The following PZP variants were observed in gnomAD, a reference collection of about 807,000 sequenced individuals.
PZP encodes the protein PZP alpha-2-macroglobulin like.
PZP carries 150 observed loss-of-function variants against 179.8 expected under a neutral mutation model. That is an observed-to-expected ratio of 0.83 (90% CI 0.73 to 0.96). PZP has a LOEUF of 0.96. PZP is among the 40% of genes least tolerant of loss of function. PZP has a pLI of 0.00. For synonymous variants in PZP, 624 were observed against 652.3 expected, an observed-to-expected ratio of 0.96 and a Z score of 0.66; for missense variants, 1,689 against 1,764.0, an observed-to-expected ratio of 0.96 and a Z score of 0.76.
At chr12:9,189,121 A>G (rs1943305156) in intron 13 of PZP, among the ~76,000 whole-genome samples, 1 of 152,212 alleles carries the variant, frequency 6.6e-6, no homozygotes, top group Non-Finnish European at 1.5e-5. Flanking sequence ...TACCAACGAC[A>G]TCCTTCACAG....
intron 29 of PZP, among the ~76,000 whole-genome samples, chr12:9,153,850 G>C (rs185170149): frequency 3.7e-4 from 56 of 152,148 alleles, no homozygotes; most frequent in African/African-American, 1.3e-3. Context: ...ACATGTAGGA[G>C]GGAAAAGCCA....
intron 16 of PZP, 91 bp downstream of exon 16, chr12:9,169,339 A>T: frequency 8.2e-7 from 1 of 1,224,232 alleles, no homozygotes; most frequent in Non-Finnish European, 1.1e-6. Flanking sequence ...AGGCAAGGCT[A>T]CATAATTACT....
chr12:9,189,264 G>C (rs1026749231), intron 13 of PZP, among the ~76,000 whole-genome samples: 1 of 152,294 alleles, frequency 6.6e-6, no homozygotes, highest in Non-Finnish European at 1.5e-5. Flanking sequence ...CAGGGCTACA[G>C]TTACCAAAAC....
Position 9,168,889 on chromosome 12 carries a change from A to C in PZP, c.2087T>G (p.Val696Gly). 6.2e-7 allele frequency: 1 copy of C among 1,613,802 alleles called. No homozygotes were observed. Residue 696 changes from valine (V) to glycine (G), a missense_variant, in exon 17 of 36, where the codon GTA becomes GGA. Val to Gly is a moderately radical substitution (Grantham distance 109, BLOSUM62 -3). Transcript: ENST00000261336. The stretch of plus-strand genomic sequence containing the variant: ...TTTACCTCCATAGTATCCTTGACCT[A>C]CTGCTCCTGCAGACACGGAAGGGAT... Reference protein sequence around the residue: ...SVIPSVSAGAVGQGYYGAGLG... With the variant: ...SVIPSVSAGAGGQGYYGAGLG...
chr12:9,188,916 T>C (rs1943290885), intron 13 of PZP, among the ~76,000 whole-genome samples: 1 of 151,972 alleles, frequency 6.6e-6, no homozygotes, highest in South Asian at 2.1e-4. Flanking sequence ...TGCTCATAGA[T>C]AGGAAGAATC....
At chr12:9,141,134 G>C in the PZP span, among the ~76,000 whole-genome samples, 1 of 152,098 alleles carries the variant, frequency 6.6e-6, no homozygotes, top group Non-Finnish European at 1.5e-5. Context: ...TTTGTGGCAT[G>C]CAATATTTTA....
chr12:9,189,333 T>C (rs6487662), intron 13 of PZP, among the ~76,000 whole-genome samples: 1 of 151,836 alleles, frequency 6.6e-6, no homozygotes, highest in Admixed American at 6.6e-5. Flanking sequence ...GCAGAGACCA[T>C]AAATAATGCT....
At chr12:9,147,609 T>C (rs1052358964), downstream of PZP, among the ~76,000 whole-genome samples, 1 of 152,184 alleles carries the variant, frequency 6.6e-6, no homozygotes, top group Admixed American at 6.5e-5. Context: ...CTGGTGTTCA[T>C]GTGTGGGACA....
intron 17 of PZP, 194 bp downstream of exon 17, chr12:9,168,675 T>G: frequency 2.0e-6 from 1 of 505,900 alleles, no homozygotes; most frequent in Non-Finnish European, 3.5e-6. Context: ...AAGTATCGGA[T>G]GTATCTAAAA....
In PZP at chr12:9,165,257, G is replaced by C. The variant is rs1349738927; in HGVS notation, c.2369C>G (p.Ala790Gly). The C allele has an allele frequency of 6.2e-7, 1 of 1,614,084 alleles. No individual in the cohort carries two copies. The highest frequency in any genetic ancestry group is 1.3e-5 in the African/African-American group (1 of 74,928). The change falls in exon 19 of 36, where the codon GCC (alanine) becomes GGC (glycine). Residue 790 changes from alanine (A) to glycine (G), a missense_variant. Transcript: ENST00000261336. ...GAAGGGCTGGAAGGCTCGGAGAGAG[G>C]CAGTGGAAGAGATACCAAGTCCAGC... ...EDAGLGISST[A>G]SLRAFQPFFV...
chr12:9,192,211 G>T lies in PZP; in HGVS notation c.1528C>A (p.Pro510Thr), dbSNP rs747025751. The T allele has an allele frequency of 6.2e-7, 1 of 1,613,826 alleles. No individual in the cohort carries two copies. Among genetic ancestry groups the T allele is most frequent in the African/African-American group, 1.3e-5 (1 of 74,992 alleles). The change falls in exon 13 of 36, where the codon CCT (proline) becomes ACT (threonine). Residue 510 changes from proline (P) to threonine (T), a missense_variant. Around this residue, in one of 3 missense-constraint regions of PZP, gnomAD observed 742 missense variants for 730.5 expected, o/e 1.02. Coordinates refer to ENST00000261336, the MANE Select transcript of PZP (RefSeq NM_002864.3). ...VIVRSGTHTL[P>T]VESGDMKGSF... ...TACTCACTGTCTCCTGACTCCACAG[G>T]CAGAGTGTGGGTTCCAGATCTGACG...
At chr12:9,160,551 T>A in intron 23 of PZP, 61 bp from the exon 24 acceptor site, 2 of 1,499,156 alleles carry the variant, frequency 1.3e-6, no homozygotes, top group South Asian at 1.2e-5. Flanking sequence ...CCAACATTAT[T>A]AACAAAAATG....
chr12:9,174,279 C>G (rs751614448), intron 15 of PZP, among the ~76,000 whole-genome samples: 11 of 152,058 alleles, frequency 7.2e-5, no homozygotes, highest in African/African-American at 1.9e-4. Flanking sequence ...ATTCAACATC[C>G]CTTTATGTTA....
chr12:9,154,843 A>G lies in PZP; in HGVS notation c.3551-4T>C, dbSNP rs1371251061. The G allele has an allele frequency of 1.2e-6, 2 of 1,611,132 alleles. No homozygotes were observed. The highest frequency in any genetic ancestry group is 2.7e-5 in the African/African-American group (2 of 74,874). ...CGCTCCCAATGGACGAGGTTGTCTT[A>G]AGGGTGAGAAAAAGGAGATAATTGT... On this transcript the variant is annotated splice_region_variant and splice_polypyrimidine_tract_variant and intron_variant, in intron 28 of 35. Transcript: ENST00000261336.
At chr12:9,151,577 T>A in intron 33 of PZP, 27 bp downstream of exon 33, 1 of 1,600,944 alleles carries the variant, frequency 6.2e-7, no homozygotes, top group Non-Finnish European at 8.6e-7. Context: ...CCATATGTAG[T>A]CTCAGCCAGG....
chr12:9,197,589 AAT>A (rs1295557712), intron 7 of PZP, among the ~76,000 whole-genome samples: 1 of 93,518 alleles, frequency 1.1e-5, no homozygotes, highest in Non-Finnish European at 1.9e-5. Flanking sequence ...GACATAATAT[AAT>A]ATATAAATAT....
downstream of PZP, among the ~76,000 whole-genome samples, chr12:9,143,999 C>T (rs952260328): frequency 3.9e-5 from 6 of 152,218 alleles, no homozygotes; most frequent in Non-Finnish European, 5.9e-5. Flanking sequence ...TTCTTCTAGC[C>T]TAGTCCCACT....
chr12:9,154,311 T>C (rs1357913021), intron 29 of PZP, among the ~76,000 whole-genome samples: 2 of 152,188 alleles, frequency 1.3e-5, no homozygotes, highest in Non-Finnish European at 2.9e-5. Context: ...TGGCTCGAAA[T>C]GTCAATAGTG....
chr12:9,175,567 A>G (rs1942306827), intron 15 of PZP, among the ~76,000 whole-genome samples: 1 of 152,210 alleles, frequency 6.6e-6, no homozygotes, highest in Non-Finnish European at 1.5e-5. Context: ...TAACCACCTG[A>G]GAAAGGCCTA....
Sources: gnomAD v4.1 joint callset for allele counts (sites outside exome capture counted in the v4.1 genomes callset) on GRCh38, gnomAD v4.1.1 for gene constraint, gnomAD v4.1.1 regional missense constraint, MANE v1.5 for transcripts, NCBI Gene and HGNC (gene_info 2026-07-23, HGNC 2026-07-21) for gene names.